The following AGBL1 variants were observed in gnomAD, a reference collection of about 807,000 sequenced individuals.
AGBL1 encodes AGBL carboxypeptidase 1, also known as cytosolic carboxypeptidase 4.
AGBL1 carries 130 observed loss-of-function variants against 118.9 expected under a neutral mutation model. The observed-to-expected ratio is 1.09, with a 90% CI of 0.95 to 1.26. The LOEUF (loss-of-function observed/expected upper bound fraction) is 1.26, where lower values mean the gene tolerates loss of function less well. Ranked by LOEUF, AGBL1 falls within the 50% of genes most tolerant of loss-of-function variation. The pLI, the probability that AGBL1 is intolerant of heterozygous loss-of-function variation, is 0.00. For synonymous variants in AGBL1, 555 were observed against 478.9 expected, an observed-to-expected ratio of 1.16 and a Z score of -2.08; for missense variants, 1,584 against 1,298.1, an observed-to-expected ratio of 1.22 and a Z score of -3.38.
At chr15:86,631,992 G>C (rs2142438363) in intron 21 of AGBL1, among the ~76,000 whole-genome samples, 1 of 151,770 alleles carries the variant, frequency 6.6e-6, no homozygotes, top group East Asian at 1.9e-4. Context: ...GAGTTTGAGA[G>C]CAGTCTGCGC....
chr15:87,016,938 C>A (rs529413755), intron 24 of AGBL1, among the ~76,000 whole-genome samples: 1 of 152,270 alleles, frequency 6.6e-6, no homozygotes, highest in South Asian at 2.1e-4. Context: ...CACAGAGACC[C>A]AGGAGTTTTG....
chr15:86,594,125 A>G (rs1454060302), intron 21 of AGBL1, among the ~76,000 whole-genome samples: 6 of 152,008 alleles, frequency 3.9e-5, no homozygotes, highest in Non-Finnish European at 2.9e-5. Context: ...AAGTCTTACT[A>G]TGTTACCCAG....
intron 21 of AGBL1, among the ~76,000 whole-genome samples, chr15:86,657,962 C>G (rs78170620): frequency 0.012 from 1,798 of 151,958 alleles, 25 homozygotes; most frequent in East Asian, 0.076. Context: ...TGCTCAACTT[C>G]TCTCAAACTC....
chr15:86,091,377 C>A (rs1387235546), intron 1 of AGBL1, among the ~76,000 whole-genome samples: 3 of 152,112 alleles, frequency 2.0e-5, no homozygotes, highest in Non-Finnish European at 4.4e-5. Context: ...TGCTCTTTGA[C>A]CTCTCTATTC....
intron 17 of AGBL1, among the ~76,000 whole-genome samples, chr15:86,375,131 T>C (rs1004929521): frequency 1.3e-5 from 2 of 152,188 alleles, no homozygotes; most frequent in Admixed American, 6.5e-5. Context: ...CCTGGTAAGA[T>C]GATATTTGGG....
intron 23 of AGBL1, among the ~76,000 whole-genome samples, chr15:86,927,543 T>C (rs149859803): frequency 1.6e-3 from 237 of 152,244 alleles, no homozygotes; most frequent in African/African-American, 5.4e-3. Context: ...GCTATGATCA[T>C]ACTACTGCAC....
intron 21 of AGBL1, among the ~76,000 whole-genome samples, chr15:86,603,691 G>C (rs900993394): frequency 6.6e-6 from 1 of 152,118 alleles, no homozygotes; most frequent in African/African-American, 2.4e-5. Context: ...ATCTGGAAGA[G>C]AAGAGAAACA....
intron 12 of AGBL1, among the ~76,000 whole-genome samples, 174 bp from the exon 13 acceptor site, chr15:86,266,816 G>A (rs1004915775): frequency 3.9e-5 from 6 of 152,160 alleles, no homozygotes; most frequent in Non-Finnish European, 5.9e-5. Context: ...CAGGAGAAGC[G>A]CTTGAACCTG....
chr15:86,657,502 T>C (rs1051257957), intron 21 of AGBL1, among the ~76,000 whole-genome samples: 2 of 152,144 alleles, frequency 1.3e-5, no homozygotes, highest in East Asian at 3.9e-4. Context: ...TGTACACATA[T>C]TGACTGGAGG....
At chr15:86,972,737 T>G (rs947266143) in intron 23 of AGBL1, among the ~76,000 whole-genome samples, 3 of 152,076 alleles carry the variant, frequency 2.0e-5, no homozygotes, top group African/African-American at 7.2e-5. Flanking sequence ...CATGCTAATG[T>G]GGCCATTCTG....
Position 86,433,263 on chromosome 15 carries a change from C to CT in AGBL1, c.2555+35719dup, listed in dbSNP as rs1292975189. 4.9e-3 allele frequency among the ~76,000 whole-genome samples: 268 copies of CT among 54,856 alleles called. 2 individuals are homozygous for CT. The highest frequency in any genetic ancestry group is 9.1e-3 in the Admixed American group (43 of 4,710). 36.0% of individuals were successfully genotyped at this position (54,856 alleles called of 152,430 possible). ...CCTTCTCCTCCTCCTCCTCCTCCTTCTTCTTTTTTTTTTTTTTTTTTTTTT... is the reference window on the plus strand; with the variant it reads ...CCTTCTCCTCCTCCTCCTCCTCCTTCTTTCTTTTTTTTTTTTTTTTTTTTTT... On this transcript the variant is annotated intron_variant, in intron 18 of 22. Coordinates refer to ENST00000614907, the MANE Select transcript of AGBL1 (RefSeq NM_001386094.1).
At chr15:86,329,475 G>C (rs1326869784) in intron 17 of AGBL1, among the ~76,000 whole-genome samples, 1 of 152,028 alleles carries the variant, frequency 6.6e-6, no homozygotes, top group Non-Finnish European at 1.5e-5. Flanking sequence ...CCAGGTATTT[G>C]GAGCACCCGC....
chr15:86,589,765 T>C (rs986203271), intron 21 of AGBL1, among the ~76,000 whole-genome samples: 3 of 152,176 alleles, frequency 2.0e-5, no homozygotes, highest in Admixed American at 2.0e-4. Flanking sequence ...ATCCTATCTA[T>C]TAGTCTACTT....
chr15:86,431,158 A>G (rs928199123), intron 18 of AGBL1, among the ~76,000 whole-genome samples: 4 of 151,972 alleles, frequency 2.6e-5, no homozygotes, highest in African/African-American at 9.7e-5. Context: ...GATGAACCTC[A>G]CTTCCCAGAA....
At chr15:86,621,528 A>G (rs914202617) in intron 21 of AGBL1, among the ~76,000 whole-genome samples, 1 of 152,266 alleles carries the variant, frequency 6.6e-6, no homozygotes, top group South Asian at 2.1e-4. Context: ...TCACAGGGCC[A>G]TCTTCTCAGT....
At chr15:86,156,760 A>AT (rs960923749) in intron 4 of AGBL1, among the ~76,000 whole-genome samples, 2 of 139,622 alleles carry the variant, frequency 1.4e-5, no homozygotes, top group Non-Finnish European at 3.1e-5. Flanking sequence ...AAAATGCCTG[A>AT]TTTTTTTTCT....
At chr15:86,962,437 T>C (rs115391753) in intron 23 of AGBL1, among the ~76,000 whole-genome samples, 2 of 152,114 alleles carry the variant, frequency 1.3e-5, no homozygotes, top group Non-Finnish European at 2.9e-5. Context: ...ATCTTTTTTT[T>C]AATCATATGT....
intron 5 of AGBL1, among the ~76,000 whole-genome samples, chr15:86,183,926 G>A (rs773580453): frequency 6.6e-6 from 1 of 152,192 alleles, no homozygotes; most frequent in Non-Finnish European, 1.5e-5. Flanking sequence ...AGAGAAACAT[G>A]AGTCAGATCC....
intron 22 of AGBL1, among the ~76,000 whole-genome samples, chr15:86,832,287 G>A (rs1163548839): frequency 6.6e-6 from 1 of 152,176 alleles, no homozygotes; most frequent in Non-Finnish European, 1.5e-5. Flanking sequence ...AATTTCTGCA[G>A]CCGGCTTGAA....
Sources: gnomAD v4.1 joint callset for allele counts (sites outside exome capture counted in the v4.1 genomes callset) on GRCh38, gnomAD v4.1.1 for gene constraint, MANE v1.5 for transcripts, NCBI Gene and HGNC (gene_info 2026-07-23, HGNC 2026-07-21) for gene names.